Variants in MED12L observed in about 807,000 individuals in gnomAD.
MED12L encodes mediator complex subunit 12L, also known as mediator of RNA polymerase II transcription subunit 12-like protein.
In MED12L, 60 loss-of-function variants were observed where a neutral mutation model predicts 281.3. The observed-to-expected ratio is 0.21, with a 90% CI of 0.17 to 0.26. The LOEUF is 0.26. Ranked by LOEUF, MED12L falls within the 10% of genes least tolerant of loss-of-function variation. MED12L has a pLI of 1.00. For missense variants in MED12L, 2,146 were observed against 2,680.9 expected (o/e 0.80, Z 4.41); for synonymous variants, 974 against 987.2 (o/e 0.99, Z 0.25).
intron 5 of MED12L, among the ~76,000 whole-genome samples, chr3:151,152,084 G>GTT (rs1277015023): frequency 9.0e-6 from 1 of 110,862 alleles, no homozygotes; most frequent in Non-Finnish European, 1.8e-5. Flanking sequence ...AGTTGAAGGT[G>GTT]GTTTTTTTTT....
chr3:151,195,338 T>C (rs1724510252), intron 16 of MED12L, among the ~76,000 whole-genome samples: 1 of 152,148 alleles, frequency 6.6e-6, no homozygotes, highest in African/African-American at 2.4e-5. Flanking sequence ...TTTTTTCTTA[T>C]TACAGTTAAA....
chr3:151,354,140 CAAAAAAAA>C (rs63033360), intron 17 of MED12L, among the ~76,000 whole-genome samples: 11 of 62,842 alleles, frequency 1.8e-4, no homozygotes, highest in South Asian at 1.5e-3. Context: ...GACTCCGTCT[CAAAAAAAA>C]AAAAAAAAAA....
In MED12L at chr3:151,122,676, G is replaced by T. The variant is rs140171165; in HGVS notation, c.205-107G>T. The T allele has an allele frequency of 4.8e-4, 355 of 744,150 alleles. 1 individual carries two copies. The African/African-American group carries it at 5.6e-3, about 12-fold the overall frequency. 46.1% of individuals were successfully genotyped at this position (744,150 alleles called of 1,614,324 possible). ...AAATTCCCAATTTATTTTCTGATGG[G>T]ATGTATGAAGATTTTCAATTGAAAC... On this transcript the variant is annotated intron_variant, in intron 3 of 44. Transcript: ENST00000687756.
chr3:151,289,794 A>C (rs1447658042), intron 16 of MED12L, among the ~76,000 whole-genome samples: 3 of 152,174 alleles, frequency 2.0e-5, no homozygotes, highest in Admixed American at 6.5e-5. Context: ...TTCTTGTCAT[A>C]GGCTGATTAA....
chr3:151,127,254 G>T (rs1714673217), intron 4 of MED12L, among the ~76,000 whole-genome samples: 1 of 152,084 alleles, frequency 6.6e-6, no homozygotes, highest in Admixed American at 6.6e-5. Context: ...AGCTATTTCT[G>T]GCTCAGTGTT....
At chr3:151,246,644 G>C (rs573041945) in intron 16 of MED12L, among the ~76,000 whole-genome samples, 1 of 152,098 alleles carries the variant, frequency 6.6e-6, no homozygotes, top group Non-Finnish European at 1.5e-5. Context: ...AGACTTAAAC[G>C]TTAGACCTAC....
At chr3:151,130,113 A>G (rs1465641255) in intron 5 of MED12L, among the ~76,000 whole-genome samples, 1 of 152,034 alleles carries the variant, frequency 6.6e-6, no homozygotes, top group African/African-American at 2.4e-5. Context: ...CTGGATATCC[A>G]ATTGCTTACT....
chr3:151,204,408 G>A (rs970076824), intron 16 of MED12L, among the ~76,000 whole-genome samples: 7 of 152,108 alleles, frequency 4.6e-5, no homozygotes, highest in African/African-American at 1.2e-4. Flanking sequence ...TATTGGTCAC[G>A]TCTCAGGTAT....
chr3:151,099,943 C>CTCTG (rs1218570689), intron 2 of MED12L, among the ~76,000 whole-genome samples: 4 of 152,152 alleles, frequency 2.6e-5, no homozygotes, highest in African/African-American at 9.7e-5. Context: ...ACTTCCTGGA[C>CTCTG]TCAGGGGATC....
intron 16 of MED12L, chr3:151,198,640 G>A: frequency 1.2e-6 from 2 of 1,613,970 alleles, no homozygotes; most frequent in Non-Finnish European, 1.7e-6. Context: ...CTTCTGTCTG[G>A]CTGAGGGTAT....
intron 7 of MED12L, among the ~76,000 whole-genome samples, chr3:151,159,407 G>C (rs1455331837): frequency 6.6e-6 from 1 of 152,170 alleles, no homozygotes; most frequent in Non-Finnish European, 1.5e-5. Flanking sequence ...GAGATAGTCT[G>C]TACCTGCACT....
intron 16 of MED12L, among the ~76,000 whole-genome samples, chr3:151,250,944 G>A (rs1279246591): frequency 6.6e-6 from 1 of 152,174 alleles, no homozygotes; most frequent in East Asian, 1.9e-4. Flanking sequence ...CCATTTGTGT[G>A]TTGTGTTTGT....
At chr3:151,181,541 G>T (rs1408022583) in intron 11 of MED12L, among the ~76,000 whole-genome samples, 1 of 150,030 alleles carries the variant, frequency 6.7e-6, no homozygotes, top group Admixed American at 6.6e-5. Context: ...AGTAGCTGGG[G>T]CTACAGGTGC....
At chr3:151,323,731 T>G (rs1749259239) in intron 16 of MED12L, among the ~76,000 whole-genome samples, 1 of 152,240 alleles carries the variant, frequency 6.6e-6, no homozygotes, top group South Asian at 2.1e-4. Context: ...TTATAATCTG[T>G]GTTCCTTACC....
intron 16 of MED12L, among the ~76,000 whole-genome samples, chr3:151,237,353 T>G (rs1381237730): frequency 2.4e-5 from 3 of 127,022 alleles, no homozygotes; most frequent in African/African-American, 1.0e-4. Flanking sequence ...TTTTTTTCTT[T>G]TTTTTTTTTT....
chr3:151,336,705 G>A (rs894234372), intron 16 of MED12L: 2 of 338,134 alleles, frequency 5.9e-6, no homozygotes, highest in African/African-American at 5.0e-5. Context: ...GAAATGAGAA[G>A]TCATCTTCAG....
intron 16 of MED12L, among the ~76,000 whole-genome samples, chr3:151,293,611 ACACACAC>A (rs1214270525): frequency 1.2e-5 from 1 of 83,082 alleles, no homozygotes; most frequent in African/African-American, 3.6e-5. Flanking sequence ...ACACACACAC[ACACACAC>A]GGTCCTAAAA....
In MED12L at chr3:151,310,883, G is replaced by A. The variant is rs190458941; in HGVS notation, c.2251-39176G>A. Among the ~76,000 whole-genome samples the A allele has an allele frequency of 3.7e-3, 571 of 152,328 alleles. 4 individuals are homozygous for A. Among genetic ancestry groups the A allele is most frequent in the African/African-American group, 0.013 (554 of 41,584 alleles). The stretch of plus-strand genomic sequence containing the variant: ...AGGTTGTAATTGACAGAAGAGGAAA[G>A]GGAGGCAGTATGGGAAATGTACCAT... On this transcript the variant is annotated intron_variant, in intron 16 of 44. Transcript: ENST00000687756.
At chr3:151,148,674 C>G (rs1045636944) in intron 5 of MED12L, among the ~76,000 whole-genome samples, 1 of 152,168 alleles carries the variant, frequency 6.6e-6, no homozygotes, top group African/African-American at 2.4e-5. Flanking sequence ...GCTCCTTAGT[C>G]TCTGGACTTG....
Sources: allele counts gnomAD v4.1 joint callset (sites outside exome capture counted in the v4.1 genomes callset), GRCh38; gene constraint gnomAD v4.1.1; transcripts MANE v1.5; gene names NCBI Gene and HGNC (gene_info 2026-07-23, HGNC 2026-07-21).